PCDHGA3: variants seen among roughly 807,000 people sequenced by gnomAD.
PCDHGA3 encodes protocadherin gamma subfamily A, 3, also known as protocadherin gamma-A3.
A neutral mutation model predicts 58.5 loss-of-function variants in PCDHGA3; 40 were observed. The ratio of observed to expected loss-of-function variants is 0.68; its 90% CI spans 0.53 to 0.89. PCDHGA3 has a LOEUF of 0.89. PCDHGA3 is among the 40% of genes least tolerant of loss of function. PCDHGA3 has a pLI of 0.00. For missense variants in PCDHGA3, 1,223 were observed against 1,195.9 expected, an observed-to-expected ratio of 1.02 and a Z score of -0.33; for synonymous variants, 530 against 525.7, an observed-to-expected ratio of 1.01 and a Z score of -0.11.
chr5:141,448,966 A>G (rs981772425), intron 1 of PCDHGA3, among the ~76,000 whole-genome samples: 5 of 152,118 alleles, frequency 3.3e-5, no homozygotes, highest in Non-Finnish European at 7.4e-5. Context: ...CAAACAAACA[A>G]AAAAGAACTT....
intron 1 of PCDHGA3, among the ~76,000 whole-genome samples, chr5:141,380,452 A>G (rs939705980): frequency 9.9e-5 from 15 of 152,226 alleles, no homozygotes; most frequent in African/African-American, 3.6e-4. Flanking sequence ...TTTTTAATGC[A>G]ACCAAACAAA....
chr5:141,404,860 T>G (rs3749769), intron 1 of PCDHGA3: 7 of 1,613,630 alleles, frequency 4.3e-6, no homozygotes, highest in Admixed American at 1.7e-5. Context: ...TAGATAGAGA[T>G]GCGCTCAAAC....
intron 1 of PCDHGA3, chr5:141,399,804 G>A (rs1191609127): frequency 2.5e-6 from 4 of 1,613,224 alleles, no homozygotes; most frequent in East Asian, 2.2e-5. Flanking sequence ...CGCGGGTGCT[G>A]TACCCCGCGC....
rs1175280816 is a variant in PCDHGA3 at position 141,511,121 on chromosome 5, C to T, written c.2747C>T (p.Pro916Leu). 2 of 1,614,102 alleles carry T rather than the reference C, an allele frequency of 1.2e-6. No homozygotes were observed. Among genetic ancestry groups the T allele is most frequent in the African/African-American group, 1.3e-5 (1 of 74,938 alleles). Residue 916 changes from proline (P) to leucine (L), a missense_variant, in exon 4 of 4, where the codon CCA becomes CTA. This residue lies in a region of PCDHGA3 where 325 missense variants were observed against 327.5 expected (regional missense o/e 0.99). Transcript: ENST00000253812. ...GCTGGCAAGCGGGATGGCAAGGCCCCAGCAGGTGGCAATGGCAACAAGAAG... is the reference window on the plus strand; with the variant it reads ...GCTGGCAAGCGGGATGGCAAGGCCCTAGCAGGTGGCAATGGCAACAAGAAG... ...NAAGKRDGKA[P>L]AGGNGNKKKS...
Position 141,486,616 on chromosome 5 carries a change from C to A in PCDHGA3, c.2425-8191C>A. On this transcript the variant is annotated intron_variant, in intron 1 of 3. Transcript: ENST00000253812. The surrounding 1 kb of genome is among the most constrained non-coding windows in gnomAD (Gnocchi z 5.0). ...TGCTTTGCTCCCTTGCAGCCTCTGACCCAGACTCTGGCTTGAATGCGCTTA... is the reference window on the plus strand; with the variant it reads ...TGCTTTGCTCCCTTGCAGCCTCTGAACCAGACTCTGGCTTGAATGCGCTTA... The A allele has an allele frequency of 6.2e-7, 1 of 1,613,618 alleles. No individual in the cohort carries two copies. Among genetic ancestry groups the A allele is most frequent in the Non-Finnish European group, 8.5e-7 (1 of 1,180,022 alleles).
chr5:141,413,224 C>G, intron 1 of PCDHGA3: 1 of 1,613,790 alleles, frequency 6.2e-7, no homozygotes, highest in Non-Finnish European at 8.5e-7. Context: ...TTGCAGCGGG[C>G]TGGTCCTGCT....
chr5:141,431,709 T>A lies in PCDHGA3; in HGVS notation c.2425-63098T>A. 6.2e-7 allele frequency: 1 copy of A among 1,614,168 alleles called. No individual in the cohort carries two copies. Among genetic ancestry groups the A allele is most frequent in the Non-Finnish European group, 8.5e-7 (1 of 1,180,018 alleles). ...CACGAGGAGTCAGGATTCTACCAGA[T>A]GGAAGTGCAAGCAATGGATAATGCA... On this transcript the variant is annotated intron_variant, in intron 1 of 3. Coordinates refer to ENST00000253812, the MANE Select transcript of PCDHGA3 (RefSeq NM_018916.4). This position sits in a 1 kb window ranked among gnomAD's most constrained non-coding sequence, Gnocchi z 4.8.
At chr5:141,360,528 G>A (rs1473510639) in intron 1 of PCDHGA3, 7 of 1,613,850 alleles carry the variant, frequency 4.3e-6, no homozygotes, top group Admixed American at 1.7e-5. Flanking sequence ...ATAATACCCC[G>A]CTATTCAAAC....
intron 1 of PCDHGA3, chr5:141,370,851 G>T (rs903944197): frequency 6.2e-7 from 1 of 1,614,018 alleles, no homozygotes; most frequent in Non-Finnish European, 8.5e-7. Flanking sequence ...AGCCACATTT[G>T]CCCTGGAATC....
intron 1 of PCDHGA3, chr5:141,364,801 G>A: frequency 1.2e-6 from 2 of 1,613,992 alleles, no homozygotes; most frequent in Non-Finnish European, 1.7e-6. Flanking sequence ...TTCCCTTCGC[G>A]CGGGATGCGG....
chr5:141,354,761 T>C (rs1759626759), intron 1 of PCDHGA3, among the ~76,000 whole-genome samples: 2 of 152,120 alleles, frequency 1.3e-5, no homozygotes, highest in Non-Finnish European at 2.9e-5. Flanking sequence ...GAACACATCT[T>C]AGGAAAAAAA....
In PCDHGA3 at chr5:141,490,751, C is replaced by T. The variant is rs2099703884; in HGVS notation, c.2425-4056C>T. 6.2e-6 allele frequency: 10 copies of T among 1,614,092 alleles called. No individual in the cohort carries two copies. The highest frequency in any genetic ancestry group is 1.7e-5 in the Admixed American group (1 of 60,012). ...AATCAGGTTCAGGGAGCCCCAGCCT[C>T]CTCCTTTGTGTATGTCAACCCAGAG... On this transcript the variant is annotated intron_variant, in intron 1 of 3. Coordinates refer to ENST00000253812, the MANE Select transcript of PCDHGA3 (RefSeq NM_018916.4). This position sits in a 1 kb window ranked among gnomAD's most constrained non-coding sequence, Gnocchi z 5.4.
In PCDHGA3 at chr5:141,495,260, G is replaced by A. The variant is rs368797742; in HGVS notation, c.2483+395G>A. On this transcript the variant is annotated intron_variant, in intron 2 of 3. Transcript: ENST00000253812. ...TATGACCTGGGGCTCAGGCAGAAAA[G>A]CATTTGACCGGAGGAGGCGGTCCGC... Among the ~76,000 whole-genome samples the A allele has an allele frequency of 3.3e-5, 5 of 152,208 alleles. No individual in the cohort carries two copies. The East Asian group carries it at 5.8e-4, about 18-fold the overall frequency.
At chr5:141,422,209 C>G (rs1463323983) in intron 1 of PCDHGA3, 1 of 1,561,666 alleles carries the variant, frequency 6.4e-7, no homozygotes, top group East Asian at 2.2e-5. Context: ...TGGTGGAGGT[C>G]TCTTTACCAC....
At chr5:141,372,206 G>C in intron 1 of PCDHGA3, 1 of 1,613,590 alleles carries the variant, frequency 6.2e-7, no homozygotes, top group East Asian at 2.2e-5. Flanking sequence ...ACGCCTGGCT[G>C]TCCTACCACA....
rs2099391747 is a variant in PCDHGA3 at position 141,476,440 on chromosome 5, G to A, written c.2425-18367G>A. Reference sequence around the variant, plus strand: ...CACTGCCCTCTTGCACTGTAACTCTGGAGTTGGTAGTGGAGAACCCGCTGG... The same window carrying A: ...CACTGCCCTCTTGCACTGTAACTCTAGAGTTGGTAGTGGAGAACCCGCTGG... On this transcript the variant is annotated intron_variant, in intron 1 of 3. Transcript: ENST00000253812. The surrounding 1 kb of genome is among the most constrained non-coding windows in gnomAD (Gnocchi z 7.6). 1.2e-6 allele frequency: 2 copies of A among 1,613,998 alleles called. No individual in the cohort carries two copies. Among genetic ancestry groups the A allele is most frequent in the African/African-American group, 2.7e-5 (2 of 74,902 alleles).
At chr5:141,390,969 G>A (rs1232299434) in intron 1 of PCDHGA3, 5 of 152,168 alleles carry the variant, frequency 3.3e-5, no homozygotes, top group African/African-American at 4.8e-5. Flanking sequence ...TGTAACATAG[G>A]AGTTTCAGGA....
chr5:141,378,222 A>G (rs574464825), intron 1 of PCDHGA3: 1 of 152,350 alleles, frequency 6.6e-6, no homozygotes, highest in South Asian at 2.1e-4. Flanking sequence ...TGTGTGCCTG[A>G]TAGTATTTAA....
Position 141,476,292 on chromosome 5 carries a change from G to A in PCDHGA3, c.2425-18515G>A. The A allele has an allele frequency of 1.9e-6, 3 of 1,614,144 alleles. No homozygotes were observed. The highest frequency in any genetic ancestry group is 2.5e-6 in the Non-Finnish European group (3 of 1,180,016). On this transcript the variant is annotated intron_variant, in intron 1 of 3. Transcript: ENST00000253812. This position sits in a 1 kb window ranked among gnomAD's most constrained non-coding sequence, Gnocchi z 7.6. ...GTCGCGAACCTTGGTTTGGATCTCGGTAGCCTCTCAGCCCGCAGGTTCCGG... is the reference window on the plus strand; with the variant it reads ...GTCGCGAACCTTGGTTTGGATCTCGATAGCCTCTCAGCCCGCAGGTTCCGG...
Sources: allele counts gnomAD v4.1 joint callset (sites outside exome capture counted in the v4.1 genomes callset), GRCh38; gene constraint gnomAD v4.1.1; regional missense constraint gnomAD v4.1.1; non-coding constraint Gnocchi (gnomAD v3.1); transcripts MANE v1.5; gene names NCBI Gene and HGNC (gene_info 2026-07-23, HGNC 2026-07-21).